Variants in CALN1 observed in about 807,000 individuals in gnomAD.
CALN1 encodes calneuron 1, also known as calcium-binding protein 8.
A neutral mutation model predicts 30.6 loss-of-function variants in CALN1; 17 were observed. The observed-to-expected ratio is 0.56, with a 90% CI of 0.38 to 0.83. The LOEUF is 0.83. Ranked by LOEUF, CALN1 falls within the 40% of genes least tolerant of loss-of-function variation. The pLI, the probability that CALN1 is intolerant of heterozygous loss-of-function variation, is 0.00. For missense variants in CALN1, 291 were observed against 354.9 expected, an observed-to-expected ratio of 0.82 and a Z score of 1.45; for synonymous variants, 156 against 131.4, an observed-to-expected ratio of 1.19 and a Z score of -1.28.
chr7:71,844,905 T>C (rs1157937383), intron 5 of CALN1, among the ~76,000 whole-genome samples: 1 of 152,186 alleles, frequency 6.6e-6, no homozygotes, highest in African/African-American at 2.4e-5. Context: ...TTTTACATTT[T>C]TTGAGACAGA....
intron 2 of CALN1, among the ~76,000 whole-genome samples, chr7:72,401,492 G>A (rs575906857): frequency 4.6e-5 from 7 of 152,230 alleles, no homozygotes; most frequent in South Asian, 4.1e-4. Context: ...GTGTGTGCGC[G>A]CACACAAATG....
intron 5 of CALN1, among the ~76,000 whole-genome samples, chr7:71,991,924 C>T (rs1798977168): frequency 6.6e-6 from 1 of 152,158 alleles, no homozygotes; most frequent in Non-Finnish European, 1.5e-5. Flanking sequence ...ATACTTTGAC[C>T]CTTAAGGGCA....
At chr7:71,806,275 C>CACACATGCACACACACACAA (rs1787613608) in intron 6 of CALN1, among the ~76,000 whole-genome samples, 1 of 140,408 alleles carries the variant, frequency 7.1e-6, no homozygotes, top group South Asian at 2.1e-4. Flanking sequence ...CACACAAACA[C>CACACATGCACACACACACAA]ACACACACAC....
chr7:72,181,668 G>C (rs2129546163), intron 3 of CALN1, among the ~76,000 whole-genome samples: 1 of 152,196 alleles, frequency 6.6e-6, no homozygotes, highest in African/African-American at 2.4e-5. Flanking sequence ...GTAGAGTCAT[G>C]GTTTCGCCAT....
chr7:72,280,282 C>A (rs891611115), intron 2 of CALN1, among the ~76,000 whole-genome samples: 3 of 152,232 alleles, frequency 2.0e-5, no homozygotes, highest in African/African-American at 7.2e-5. Flanking sequence ...AAAACAGACA[C>A]ATGGCTGAGG....
intron 5 of CALN1, among the ~76,000 whole-genome samples, chr7:71,824,548 A>G (rs1474320305): frequency 6.6e-6 from 1 of 151,842 alleles, no homozygotes; most frequent in Non-Finnish European, 1.5e-5. Context: ...CCTTTGCTCC[A>G]TTTTTCGTCC....
intron 4 of CALN1, among the ~76,000 whole-genome samples, chr7:72,031,719 C>T (rs1173071745): frequency 6.6e-6 from 1 of 151,158 alleles, no homozygotes; most frequent in African/African-American, 2.4e-5. Flanking sequence ...AGTTATGTGC[C>T]ACCACGCCTG....
chr7:72,168,314 T>C (rs550456900), intron 3 of CALN1, among the ~76,000 whole-genome samples: 1 of 152,238 alleles, frequency 6.6e-6, no homozygotes, highest in East Asian at 1.9e-4. Flanking sequence ...ATCTATAATC[T>C]GTAGGGTGGA....
At chr7:71,909,101 C>CA (rs1383485593) in intron 5 of CALN1, among the ~76,000 whole-genome samples, 1 of 152,140 alleles carries the variant, frequency 6.6e-6, no homozygotes, top group Non-Finnish European at 1.5e-5. Context: ...ACTGCAGCCT[C>CA]AACCTCCTAG....
At chr7:72,466,365 C>T in the CALN1 span, among the ~76,000 whole-genome samples, 2 of 152,094 alleles carry the variant, frequency 1.3e-5, no homozygotes, top group Non-Finnish European at 2.9e-5. Context: ...AGTAAGTAGA[C>T]CCCTGGAGAA....
chr7:72,107,718 C>T (rs186826284), intron 3 of CALN1, among the ~76,000 whole-genome samples: 1 of 152,330 alleles, frequency 6.6e-6, no homozygotes, highest in Admixed American at 6.5e-5. Context: ...GATATGTCAG[C>T]TGCCATTATT....
chr7:71,801,428 G>GTATGTATC (rs1461292230), intron 6 of CALN1, among the ~76,000 whole-genome samples: 1,934 of 87,584 alleles, frequency 0.022, 44 homozygotes, highest in South Asian at 0.032. Context: ...ATGTATGTAT[G>GTATGTATC]TATCTATCTA....
chr7:72,257,959 CG>C (rs1796021550), intron 3 of CALN1, among the ~76,000 whole-genome samples: 2 of 151,720 alleles, frequency 1.3e-5, no homozygotes, highest in African/African-American at 4.8e-5. Flanking sequence ...TCTGGGGACT[CG>C]AGGGGGAAGA....
At chr7:71,815,362 G>A (rs150462866) in intron 5 of CALN1, among the ~76,000 whole-genome samples, 1 of 152,268 alleles carries the variant, frequency 6.6e-6, no homozygotes, top group South Asian at 2.1e-4. Flanking sequence ...TCAACTGAGA[G>A]CCAAAGTGAT....
chr7:71,806,271 A>AACACAC (rs71092914), intron 6 of CALN1, among the ~76,000 whole-genome samples: 2,003 of 93,274 alleles, frequency 0.021, 23 homozygotes, highest in Non-Finnish European at 0.026. Flanking sequence ...CACACACACA[A>AACACAC]ACACACACAC....
At chr7:72,344,280 G>C (rs1802514448) in intron 2 of CALN1, among the ~76,000 whole-genome samples, 1 of 152,094 alleles carries the variant, frequency 6.6e-6, no homozygotes, top group African/African-American at 2.4e-5. Flanking sequence ...AGAACCACAA[G>C]AGGCAGTCAT....
intron 2 of CALN1, among the ~76,000 whole-genome samples, chr7:72,287,500 G>T (rs1798167257): frequency 7.7e-6 from 1 of 129,512 alleles, no homozygotes; most frequent in Non-Finnish European, 1.5e-5. Context: ...AGGCTGGAGT[G>T]CAGTGGCGCA....
rs531819184 is a variant in CALN1 at position 71,897,352 on chromosome 7, A to G, written c.502-86860T>C. Reference sequence around the variant, plus strand: ...CTATTTCTTGGAAATGTAATCTTTTATTAAACATAATATTAAGTGCTGAGC... The same window carrying G: ...CTATTTCTTGGAAATGTAATCTTTTGTTAAACATAATATTAAGTGCTGAGC... On this transcript the variant is annotated intron_variant, in intron 5 of 6. Coordinates refer to ENST00000395275, the MANE Select transcript of CALN1 (RefSeq NM_031468.4). Among the ~76,000 whole-genome samples, 21 of 152,280 alleles carry G rather than the reference A, an allele frequency of 1.4e-4. No homozygotes were observed. The East Asian group carries it at 4.1e-3, about 29-fold the overall frequency.
chr7:72,252,202 A>G (rs1455344731), intron 3 of CALN1, among the ~76,000 whole-genome samples: 1 of 152,102 alleles, frequency 6.6e-6, no homozygotes, highest in Non-Finnish European at 1.5e-5. Context: ...TAGTTGATTG[A>G]GCCAACTATC....
Sources: gnomAD v4.1 joint callset for allele counts (sites outside exome capture counted in the v4.1 genomes callset) on GRCh38, gnomAD v4.1.1 for gene constraint, MANE v1.5 for transcripts, NCBI Gene and HGNC (gene_info 2026-07-23, HGNC 2026-07-21) for gene names.